Variants in RFX7 observed in about 807,000 individuals in gnomAD.
The protein encoded by RFX7 is regulatory factor X7, also known as DNA-binding protein RFX7.
Under a neutral mutation model 111.8 loss-of-function variants are expected in RFX7, and 26 were observed. The observed-to-expected ratio is 0.23, with a 90% confidence interval of 0.17 to 0.32. The LOEUF (loss-of-function observed/expected upper bound fraction) is 0.32. Among genes scored for constraint, RFX7 ranks in the 10% least tolerant of loss-of-function variants. The pLI, the probability that RFX7 is intolerant of heterozygous loss-of-function variation, is 1.00. For missense variants in RFX7, 1,573 were observed against 1,772.9 expected (o/e 0.89, Z 2.02); for synonymous variants, 624 against 624.4 (o/e 1.00, Z 0.01).
At chr15:56,138,868 C>G (rs1274059420) in intron 5 of RFX7, among the ~76,000 whole-genome samples, 11 of 152,120 alleles carry the variant, frequency 7.2e-5, no homozygotes, top group Non-Finnish European at 1.3e-4. Flanking sequence ...TTCTCCTTCG[C>G]TTATGAAGCT....
intron 4 of RFX7, among the ~76,000 whole-genome samples, chr15:56,143,679 G>GC (rs1429505085): frequency 1.3e-5 from 2 of 152,112 alleles, no homozygotes; most frequent in Non-Finnish European, 2.9e-5. Context: ...AAAACACTGA[G>GC]CAAGTGTCTA....
In RFX7 at chr15:56,158,746, C is replaced by T. The variant is rs566968783; in HGVS notation, c.196-14263G>A. ...CTAAAGTGGTACAATTGCTTGAGCC[C>T]ACAGAGGTCAAAGCTGCAGTGAGCC... On this transcript the variant is annotated intron_variant, in intron 3 of 9. Transcript: ENST00000559447. 2.6e-4 allele frequency among the ~76,000 whole-genome samples: 39 copies of T among 152,154 alleles called. 1 individual carries two copies. The South Asian group carries it at 6.2e-3, about 24-fold the overall frequency.
chr15:56,116,353 A>G (rs2042008920), intron 5 of RFX7, among the ~76,000 whole-genome samples: 1 of 152,212 alleles, frequency 6.6e-6, no homozygotes, highest in South Asian at 2.1e-4. Context: ...TGATGACTCA[A>G]GTAGAATTTC....
chr15:56,175,122 C>A (rs930785703), intron 3 of RFX7, among the ~76,000 whole-genome samples: 2 of 152,092 alleles, frequency 1.3e-5, no homozygotes, highest in Non-Finnish European at 2.9e-5. Flanking sequence ...AGCAAGTTTG[C>A]AGGTTACAAG....
At chr15:56,177,834 C>T (rs2042918684) in intron 3 of RFX7, among the ~76,000 whole-genome samples, 1 of 152,046 alleles carries the variant, frequency 6.6e-6, no homozygotes, top group Admixed American at 6.6e-5. Flanking sequence ...CAATGAGACT[C>T]TTAAGAGTTG....
chr15:56,196,062 T>C (rs2141171734), intron 2 of RFX7, among the ~76,000 whole-genome samples: 1 of 152,322 alleles, frequency 6.6e-6, no homozygotes, highest in East Asian at 1.9e-4. Flanking sequence ...TACTAGATCA[T>C]ATTACACAAA....
chr15:56,196,054 C>A (rs1041977031), intron 2 of RFX7, among the ~76,000 whole-genome samples: 4 of 152,080 alleles, frequency 2.6e-5, no homozygotes, highest in African/African-American at 4.8e-5. Flanking sequence ...TATTTGATTA[C>A]TAGATCATAT....
At chr15:56,204,458 T>C (rs1829542) in intron 2 of RFX7, among the ~76,000 whole-genome samples, 49,872 of 152,042 alleles carry the variant, frequency 0.33, 9,325 homozygotes, top group East Asian at 0.41. Flanking sequence ...TTAGACCATG[T>C]TGGGGAATGC....
chr15:56,096,184 G>A lies in RFX7; in HGVS notation c.1544C>T (p.Ser515Phe), dbSNP rs1213001675. 5 of 1,613,832 alleles carry A rather than the reference G, an allele frequency of 3.1e-6. No homozygotes were observed. In the Admixed American group the frequency reaches 6.7e-5, roughly 22 times the overall value. ...SRSVPQIKNGSVVSLQSPGSR... is the reference protein window; with the variant it reads ...SRSVPQIKNGFVVSLQSPGSR... ...CCCAGGAGACTGAAGCGACACGACAGAACCATTCTTGATCTGTGGAACACT... is the reference window on the plus strand; with the variant it reads ...CCCAGGAGACTGAAGCGACACGACAAAACCATTCTTGATCTGTGGAACACT... Residue 515 changes from serine to phenylalanine, a missense_variant, in exon 10 of 10, where the codon TCT becomes TTT. Physicochemically the swap from Ser to Phe is radical, Grantham distance 155 (BLOSUM62 -2). Coordinates refer to ENST00000559447, the MANE Select transcript of RFX7 (RefSeq NM_022841.7).
intron 2 of RFX7, among the ~76,000 whole-genome samples, chr15:56,194,709 GA>G (rs1431833705): frequency 6.6e-6 from 1 of 151,974 alleles, no homozygotes; most frequent in East Asian, 1.9e-4. Flanking sequence ...AAAACATTCG[GA>G]ATCACACCAT....
At chr15:56,153,150 A>G (rs1355764967) in intron 3 of RFX7, among the ~76,000 whole-genome samples, 1 of 152,228 alleles carries the variant, frequency 6.6e-6, no homozygotes, top group Non-Finnish European at 1.5e-5. Flanking sequence ...AGCTGGTACC[A>G]TTCCATCTGA....
At chr15:56,135,230 A>G (rs2042282129) in intron 5 of RFX7, among the ~76,000 whole-genome samples, 2 of 151,378 alleles carry the variant, frequency 1.3e-5, no homozygotes, top group Admixed American at 6.6e-5. Flanking sequence ...CAGTCCCACC[A>G]ACAGTGTAAA....
chr15:56,106,233 C>A (rs1179066286), intron 5 of RFX7, among the ~76,000 whole-genome samples: 2 of 152,178 alleles, frequency 1.3e-5, no homozygotes, highest in Non-Finnish European at 2.9e-5. Flanking sequence ...GGTTATTTCA[C>A]AAAATCATCC....
intron 5 of RFX7, among the ~76,000 whole-genome samples, chr15:56,135,262 C>T (rs1166008774): frequency 6.6e-6 from 1 of 151,268 alleles, no homozygotes; most frequent in Non-Finnish European, 1.5e-5. Context: ...TTCTCCACAT[C>T]CTCTCCAGCA....
chr15:56,211,311 T>G (rs1210965754), intron 2 of RFX7, among the ~76,000 whole-genome samples: 1 of 152,068 alleles, frequency 6.6e-6, no homozygotes. Context: ...AAAAACAGTC[T>G]TTTCAACAAA....
intron 2 of RFX7, among the ~76,000 whole-genome samples, chr15:56,221,924 A>G (rs976355921): frequency 1.3e-5 from 2 of 152,204 alleles, no homozygotes; most frequent in African/African-American, 4.8e-5. Context: ...ACTTTAAAAA[A>G]GTCATTTATA....
At chr15:56,186,147 G>A (rs1423299719) in intron 2 of RFX7, among the ~76,000 whole-genome samples, 13 of 152,142 alleles carry the variant, frequency 8.5e-5, no homozygotes, top group Non-Finnish European at 1.9e-4. Flanking sequence ...CATGCCCTGA[G>A]CAAACAGCAA....
intron 2 of RFX7, among the ~76,000 whole-genome samples, chr15:56,240,732 T>C (rs1446478596): frequency 6.6e-6 from 1 of 152,136 alleles, no homozygotes; most frequent in Non-Finnish European, 1.5e-5. Context: ...CACCAAAGGA[T>C]GATTCAGGAA....
chr15:56,111,312 C>T (rs2041927485), intron 5 of RFX7, among the ~76,000 whole-genome samples: 1 of 152,034 alleles, frequency 6.6e-6, no homozygotes, highest in South Asian at 2.1e-4. Flanking sequence ...AAGAAAAATT[C>T]TTCTTCCTTG....
Sources: allele counts gnomAD v4.1 joint callset (sites outside exome capture counted in the v4.1 genomes callset), GRCh38; gene constraint gnomAD v4.1.1; transcripts MANE v1.5; gene names NCBI Gene and HGNC (gene_info 2026-07-23, HGNC 2026-07-21).